FNIP2: variants seen among roughly 807,000 people sequenced by gnomAD.
FNIP2 encodes folliculin interacting protein 2.
A neutral mutation model predicts 108.7 loss-of-function variants in FNIP2; 32 were observed. The ratio of observed to expected loss-of-function variants is 0.29; its 90% CI spans 0.22 to 0.40. The LOEUF (loss-of-function observed/expected upper bound fraction) is 0.40. Ranked by LOEUF, FNIP2 falls within the 10% of genes least tolerant of loss-of-function variation. FNIP2 has a pLI of 1.00. For synonymous variants in FNIP2, 480 were observed against 496.7 expected (o/e 0.97, Z 0.45); for missense variants, 1,202 against 1,381.6 (o/e 0.87, Z 2.06).
At chr4:158,839,257 A>G (rs983476149) in intron 7 of FNIP2, among the ~76,000 whole-genome samples, 1 of 152,200 alleles carries the variant, frequency 6.6e-6, no homozygotes, top group East Asian at 1.9e-4. Context: ...GTGTGGAGAT[A>G]TATCTCTTCT....
intron 1 of FNIP2, among the ~76,000 whole-genome samples, chr4:158,818,927 C>T (rs1047415248): frequency 5.3e-5 from 8 of 152,196 alleles, no homozygotes; most frequent in African/African-American, 7.2e-5. Flanking sequence ...AATCCTAATC[C>T]GTGTCCCAAG....
intron 3 of FNIP2, among the ~76,000 whole-genome samples, chr4:158,830,733 C>T (rs1778435292): frequency 2.0e-5 from 3 of 152,170 alleles, no homozygotes; most frequent in Admixed American, 1.3e-4. Flanking sequence ...GGGTGGAAAG[C>T]ACACTGACAG....
At chr4:158,803,191 CA>C (rs1178412349) in intron 1 of FNIP2, among the ~76,000 whole-genome samples, 2 of 152,122 alleles carry the variant, frequency 1.3e-5, no homozygotes, top group African/African-American at 4.8e-5. Context: ...TTGGATAACC[CA>C]AATTATCTTC....
At chr4:158,858,999 G>A in intron 8 of FNIP2, 58 bp from the exon 9 acceptor site, 2 of 1,403,468 alleles carry the variant, frequency 1.4e-6, no homozygotes, top group Non-Finnish European at 2.0e-6. Flanking sequence ...CATTACAGTT[G>A]ACCTTCAGTG....
intron 10 of FNIP2, 54 bp downstream of exon 10, chr4:158,859,720 GAT>G: frequency 4.9e-6 from 7 of 1,415,584 alleles, no homozygotes; most frequent in Non-Finnish European, 6.9e-6. Context: ...AGCAGCCATG[GAT>G]AAAGATAAAC....
intron 14 of FNIP2, among the ~76,000 whole-genome samples, chr4:158,878,130 T>G (rs959396204): frequency 1.3e-5 from 2 of 152,142 alleles, no homozygotes; most frequent in African/African-American, 4.8e-5. Flanking sequence ...ATGGAAATCC[T>G]TTTGTGCCAG....
At chr4:158,770,186 A>G (rs1229447389) in intron 1 of FNIP2, among the ~76,000 whole-genome samples, 1 of 151,506 alleles carries the variant, frequency 6.6e-6, no homozygotes, top group Non-Finnish European at 1.5e-5. Flanking sequence ...GTTTGACCAC[A>G]GATTCCAGTC....
chr4:158,808,312 G>T (rs1375581468), intron 1 of FNIP2, among the ~76,000 whole-genome samples: 1 of 152,120 alleles, frequency 6.6e-6, no homozygotes, highest in African/African-American at 2.4e-5. Flanking sequence ...TAAAATTTTT[G>T]ATATGAGCTG....
chr4:158,888,829 C>G (rs1056761316), intron 14 of FNIP2, among the ~76,000 whole-genome samples: 1 of 151,202 alleles, frequency 6.6e-6, no homozygotes, highest in Non-Finnish European at 1.5e-5. Flanking sequence ...TTGCAGTGAG[C>G]CGAGATTGCA....
chr4:158,846,758 C>T (rs1256579988), intron 7 of FNIP2, among the ~76,000 whole-genome samples: 2 of 152,146 alleles, frequency 1.3e-5, no homozygotes, highest in African/African-American at 4.8e-5. Context: ...TGAATGGAAG[C>T]CTCCACCGAT....
intron 8 of FNIP2, among the ~76,000 whole-genome samples, chr4:158,854,219 C>G (rs1379961451): frequency 6.6e-6 from 1 of 152,198 alleles, no homozygotes. Flanking sequence ...TGTCCTGGTG[C>G]TCAGGTCATA....
At chr4:158,888,718 G>C (rs1171255557) in intron 14 of FNIP2, among the ~76,000 whole-genome samples, 2 of 151,662 alleles carry the variant, frequency 1.3e-5, no homozygotes, top group African/African-American at 4.8e-5. Flanking sequence ...GCAAAACCCT[G>C]TCTCTAACAA....
intron 15 of FNIP2, among the ~76,000 whole-genome samples, chr4:158,892,624 C>G (rs186684784): frequency 1.7e-3 from 252 of 152,182 alleles, no homozygotes; most frequent in African/African-American, 5.7e-3. Flanking sequence ...GTGATGAACA[C>G]TTAAAAAGAG....
chr4:158,845,157 G>C (rs1320896173), intron 7 of FNIP2, among the ~76,000 whole-genome samples: 1 of 152,166 alleles, frequency 6.6e-6, no homozygotes, highest in East Asian at 1.9e-4. Flanking sequence ...TAAAAGAAAA[G>C]CTCCTAAAAA....
chr4:158,829,133 A>G lies in FNIP2; in HGVS notation c.289A>G (p.Ser97Gly), dbSNP rs780637852. The G allele has an allele frequency of 3.7e-6, 6 of 1,612,922 alleles. No homozygotes were observed. The highest frequency in any genetic ancestry group is 5.1e-6 in the Non-Finnish European group (6 of 1,179,388). The change falls in exon 3 of 17, where the codon AGT becomes GGT. Residue 97 changes from serine to glycine, a missense_variant. Ser to Gly is a moderately conservative substitution (Grantham distance 56, BLOSUM62 0). Around this residue, in one of 5 missense-constraint regions of FNIP2, gnomAD observed 173 missense variants for 165.9 expected, o/e 1.04. Coordinates refer to ENST00000264433, the MANE Select transcript of FNIP2 (RefSeq NM_020840.3). ...ISAKCCQGSSSVSSSSSSSIS... is the reference protein window; with the variant it reads ...ISAKCCQGSSGVSSSSSSSIS... ...AGCCAAGTGCTGCCAGGGAAGCAGC[A>G]GTGTCAGCAGCAGTAGCAGCAGCAG...
chr4:158,839,974 T>G (rs771528546), intron 7 of FNIP2, among the ~76,000 whole-genome samples: 1 of 152,232 alleles, frequency 6.6e-6, no homozygotes, highest in East Asian at 1.9e-4. Flanking sequence ...ATGTCTTCTT[T>G]ACATATACAG....
At chr4:158,885,286 T>TTCTAA (rs2126758752) in intron 14 of FNIP2, among the ~76,000 whole-genome samples, 2 of 152,204 alleles carry the variant, frequency 1.3e-5, no homozygotes, top group Non-Finnish European at 2.9e-5. Flanking sequence ...GGAGATGAGA[T>TTCTAA]TTGGGTGGGG....
intron 1 of FNIP2, among the ~76,000 whole-genome samples, chr4:158,825,549 A>G (rs1012568426): frequency 1.3e-5 from 2 of 152,190 alleles, no homozygotes; most frequent in Non-Finnish European, 2.9e-5. Context: ...TTTAACTCGG[A>G]TATGCTGTCC....
chr4:158,769,492 G>C (rs1215704790), intron 1 of FNIP2, among the ~76,000 whole-genome samples, 173 bp downstream of exon 1: 1 of 152,016 alleles, frequency 6.6e-6, no homozygotes, highest in Non-Finnish European at 1.5e-5. Context: ...GTGTGGCTCC[G>C]GACCCTCCGT....
Sources: allele counts gnomAD v4.1 joint callset (sites outside exome capture counted in the v4.1 genomes callset), GRCh38; gene constraint gnomAD v4.1.1; regional missense constraint gnomAD v4.1.1; transcripts MANE v1.5; gene names NCBI Gene and HGNC (gene_info 2026-07-23, HGNC 2026-07-21).